GLCCI1: variants seen among roughly 807,000 people sequenced by gnomAD.
GLCCI1 encodes glucocorticoid-induced transcript 1 protein.
A neutral mutation model predicts 52.2 loss-of-function variants in GLCCI1; 24 were observed. That is an observed-to-expected ratio of 0.46 (90% CI 0.33 to 0.65). The LOEUF is 0.65. GLCCI1 is among the 30% of genes least tolerant of loss of function. The probability of loss-of-function intolerance (pLI) is 0.02; values close to 1 mark genes in which losing one functional copy is unlikely to be tolerated. For synonymous variants in GLCCI1, 310 were observed against 276.5 expected (o/e 1.12, Z -1.20); for missense variants, 704 against 701.5 (o/e 1.00, Z -0.04).
At chr7:8,062,356 TTCTG>T (rs1214970524) in intron 5 of GLCCI1, among the ~76,000 whole-genome samples, 1 of 152,240 alleles carries the variant, frequency 6.6e-6, no homozygotes, top group Non-Finnish European at 1.5e-5. Context: ...TGTTCACTTT[TTCTG>T]TTTATCAAAC....
At chr7:7,991,096 C>T (rs187384685) in intron 1 of GLCCI1, among the ~76,000 whole-genome samples, 6 of 152,060 alleles carry the variant, frequency 3.9e-5, no homozygotes, top group Non-Finnish European at 8.8e-5. Flanking sequence ...GAAATCATAC[C>T]TTACTCAGGT....
At chr7:7,988,010 C>T (rs910364964) in intron 1 of GLCCI1, among the ~76,000 whole-genome samples, 1 of 152,118 alleles carries the variant, frequency 6.6e-6, no homozygotes, top group Non-Finnish European at 1.5e-5. Context: ...TAATGGGAGT[C>T]TTCTTGGAGA....
At chr7:8,034,743 T>C (rs897740582) in intron 3 of GLCCI1, among the ~76,000 whole-genome samples, 3 of 152,194 alleles carry the variant, frequency 2.0e-5, no homozygotes, top group Non-Finnish European at 4.4e-5. Flanking sequence ...AAAAAGAGGC[T>C]GGCAGAGATT....
At chr7:7,970,657 T>C (rs1020043765) in intron 1 of GLCCI1, among the ~76,000 whole-genome samples, 7 of 152,124 alleles carry the variant, frequency 4.6e-5, no homozygotes, top group African/African-American at 1.7e-4. Flanking sequence ...ATGCTGTGGG[T>C]TTCCCTTAGT....
Position 7,969,214 on chromosome 7 carries a change from TCCTCCCCCACAGCGATACCCCCGCC to T in GLCCI1, c.-128_-104del. 3 of 667,476 alleles carry T rather than the reference TCCTCCCCCACAGCGATACCCCCGCC, an allele frequency of 4.5e-6. No individual in the cohort carries two copies. The highest frequency in any genetic ancestry group is 5.8e-6 in the Non-Finnish European group (3 of 515,798). 41.3% of individuals were successfully genotyped at this position (667,476 alleles called of 1,614,324 possible). The stretch of plus-strand genomic sequence containing the variant: ...CGTTGGGGAGGGGGAGCCCCGAGAC[TCCTCCCCCACAGCGATACCCCCGCC>T]CCTCCCCCTTACACACTCGCACGCA... On this transcript the variant is annotated 5_prime_UTR_variant, in exon 1 of 8. Coordinates refer to ENST00000223145, the MANE Select transcript of GLCCI1 (RefSeq NM_138426.4). This position sits in a 1 kb window ranked among gnomAD's most constrained non-coding sequence, Gnocchi z 4.9.
At chr7:8,064,297 A>T (rs553805798) in intron 5 of GLCCI1, among the ~76,000 whole-genome samples, 1 of 152,300 alleles carries the variant, frequency 6.6e-6, no homozygotes, top group Non-Finnish European at 1.5e-5. Flanking sequence ...TGAGGAAGGT[A>T]TCCAGTTTCA....
intron 2 of GLCCI1, 173 bp downstream of exon 2, chr7:8,004,232 T>G: frequency 3.4e-6 from 2 of 589,658 alleles, no homozygotes; most frequent in Non-Finnish European, 5.6e-6. Flanking sequence ...TTTTGTCATC[T>G]GGCTTTTAGA....
At chr7:8,047,131 C>G (rs1409737500) in intron 3 of GLCCI1, among the ~76,000 whole-genome samples, 1 of 152,120 alleles carries the variant, frequency 6.6e-6, no homozygotes, top group African/African-American at 2.4e-5. Context: ...ACCAGGTTAT[C>G]AATGCATTTA....
chr7:8,073,123 GAAGTTA>G (rs925343988), intron 6 of GLCCI1, among the ~76,000 whole-genome samples: 1 of 152,094 alleles, frequency 6.6e-6, no homozygotes, highest in Non-Finnish European at 1.5e-5. Flanking sequence ...TTGTAACATA[GAAGTTA>G]AGAGTAGCAC....
At chr7:8,067,082 A>G (rs556038033) in intron 5 of GLCCI1, among the ~76,000 whole-genome samples, 2 of 152,314 alleles carry the variant, frequency 1.3e-5, no homozygotes, top group South Asian at 4.1e-4. Flanking sequence ...GGGTGCATAT[A>G]TATTTAGGAT....
At chr7:8,023,585 A>ATTTTTTTTTTTT (rs1268659559) in intron 3 of GLCCI1, among the ~76,000 whole-genome samples, 37 of 39,744 alleles carry the variant, frequency 9.3e-4, no homozygotes, top group Non-Finnish European at 1.1e-3. Flanking sequence ...AATCTCTGTT[A>ATTTTTTTTTTTT]TTCTTTTTTT....
chr7:8,036,076 C>T (rs73050956), intron 3 of GLCCI1, among the ~76,000 whole-genome samples: 5,568 of 152,314 alleles, frequency 0.037, 141 homozygotes, highest in Non-Finnish European at 0.057. Flanking sequence ...TCTGCTTCTG[C>T]TGTAGCTGGC....
rs961604487 is a variant in GLCCI1, at chr7:8,060,172, G to A, written c.890G>A (p.Cys297Tyr). The stretch of plus-strand genomic sequence containing the variant: ...AAATCATCTGTTTCGCGTGTGCCCT[G>A]CAATGTAGAAGGAATAAGTCCTGAA... Reference protein sequence around the residue: ...VPKSSVSRVPCNVEGISPELE... With the variant: ...VPKSSVSRVPYNVEGISPELE... The change falls in exon 5 of 8, where the codon TGC becomes TAC. Residue 297 changes from cysteine to tyrosine, a missense_variant. Physicochemically the swap from Cys to Tyr is radical, Grantham distance 194 (BLOSUM62 -2). This residue lies in a region of GLCCI1 where 547 missense variants were observed against 524.8 expected (regional missense o/e 1.04). Transcript: ENST00000223145. The A allele has an allele frequency of 5.6e-6, 9 of 1,613,032 alleles. No homozygotes were observed. In the Admixed American group the frequency reaches 1.2e-4, roughly 21 times the overall value.
At chr7:7,976,592 A>G (rs895993373) in intron 1 of GLCCI1, among the ~76,000 whole-genome samples, 1 of 151,480 alleles carries the variant, frequency 6.6e-6, no homozygotes, top group Non-Finnish European at 1.5e-5. Flanking sequence ...TCAGTGTCCA[A>G]AATTGTCTAC....
At position 8,054,324 on chromosome 7, in the gene GLCCI1, A is replaced by G. The variant is rs1460285403; in HGVS notation, c.697-1109A>G. Among the ~76,000 whole-genome samples the G allele has an allele frequency of 3.9e-5, 6 of 152,304 alleles. No homozygotes were observed. The East Asian group carries it at 9.6e-4, about 24-fold the overall frequency. On this transcript the variant is annotated intron_variant, in intron 3 of 7. Coordinates refer to ENST00000223145, the MANE Select transcript of GLCCI1 (RefSeq NM_138426.4). ...GAGAGGAAGGCACACAAATATTCAC[A>G]TAATCTTATTTGTGTATCTTTTGCA... is the stretch of plus-strand genomic sequence containing the variant.
chr7:8,058,024 A>G (rs1782436052), intron 4 of GLCCI1, among the ~76,000 whole-genome samples: 1 of 152,140 alleles, frequency 6.6e-6, no homozygotes, highest in South Asian at 2.1e-4. Flanking sequence ...AAGCTGGATT[A>G]TGTGTACCTG....
intron 3 of GLCCI1, among the ~76,000 whole-genome samples, chr7:8,028,954 A>G (rs1781687339): frequency 6.6e-6 from 1 of 152,210 alleles, no homozygotes; most frequent in South Asian, 2.1e-4. Context: ...TTGAACCCAT[A>G]CTAAAAAGTC....
At chr7:8,081,458 G>A (rs1456534543) in intron 6 of GLCCI1, among the ~76,000 whole-genome samples, 2 of 152,124 alleles carry the variant, frequency 1.3e-5, no homozygotes, top group Non-Finnish European at 2.9e-5. Context: ...CATACTACCT[G>A]CATAAATGAA....
At chr7:8,062,455 G>A (rs902618426) in intron 5 of GLCCI1, among the ~76,000 whole-genome samples, 8 of 152,162 alleles carry the variant, frequency 5.3e-5, no homozygotes, top group Non-Finnish European at 1.0e-4. Flanking sequence ...GCAGCATACT[G>A]TAGACAAATG....
Sources: allele counts gnomAD v4.1 joint callset (sites outside exome capture counted in the v4.1 genomes callset), GRCh38; gene constraint gnomAD v4.1.1; regional missense constraint gnomAD v4.1.1; non-coding constraint Gnocchi (gnomAD v3.1); transcripts MANE v1.5; gene names NCBI Gene and HGNC (gene_info 2026-07-23, HGNC 2026-07-21).